CACNA1C: variants seen among roughly 807,000 people sequenced by gnomAD.
The protein encoded by CACNA1C is calcium voltage-gated channel subunit alpha1 C, also known as voltage-dependent L-type calcium channel subunit alpha-1C.
Under a neutral mutation model 229.0 loss-of-function variants are expected in CACNA1C, and 30 were observed. That is an observed-to-expected ratio of 0.13 (90% CI 0.10 to 0.18). The LOEUF is 0.18. CACNA1C is among the 10% of genes least tolerant of loss of function. The pLI is 1.00. For missense variants in CACNA1C, 1,658 were observed against 2,845.0 expected, an observed-to-expected ratio of 0.58 and a Z score of 9.49; for synonymous variants, 1,114 against 1,132.5, an observed-to-expected ratio of 0.98 and a Z score of 0.33.
At chr12:2,124,672 G>A (rs1021153007) in intron 3 of CACNA1C, among the ~76,000 whole-genome samples, 3 of 152,162 alleles carry the variant, frequency 2.0e-5, no homozygotes, top group African/African-American at 7.2e-5. Flanking sequence ...GATAGAGAGG[G>A]GGCAGTGGAT....
At chr12:2,166,234 C>T (rs2096221415) in intron 3 of CACNA1C, among the ~76,000 whole-genome samples, 1 of 152,172 alleles carries the variant, frequency 6.6e-6, no homozygotes, top group South Asian at 2.1e-4. Context: ...CCAGCTTGGC[C>T]CCCTCCTCAC....
rs2153433198 is a variant in CACNA1C at position 2,607,073 on chromosome 12, A to G, written c.3299A>G (p.Asn1100Ser). 1.2e-6 allele frequency: 2 copies of G among 1,613,916 alleles called. No homozygotes were observed. The highest frequency in any genetic ancestry group is 1.1e-5 in the South Asian group (1 of 91,048). ...SWENSKFDFD[N>S]VLAAMMALFT... ...GAGAACAGCAAGTTTGACTTTGACA[A>G]TGTTCTGGCAGCCATGATGGCCCTC... The change falls in exon 26 of 47, where the codon AAT becomes AGT. Residue 1100 changes from asparagine to serine, a missense_variant. Asn to Ser is a conservative substitution (Grantham distance 46). Coordinates refer to ENST00000399655, the MANE Select transcript of CACNA1C (RefSeq NM_000719.7).
At chr12:2,169,919 C>G (rs1026932527) in intron 3 of CACNA1C, among the ~76,000 whole-genome samples, 1 of 152,186 alleles carries the variant, frequency 6.6e-6, no homozygotes, top group Admixed American at 6.5e-5. Context: ...GGTGCTCCAT[C>G]TGGGGACTGT....
Position 2,346,243 on chromosome 12 carries a change from GTC to G in CACNA1C, c.478-102729_478-102728del, listed in dbSNP as rs947272131. On this transcript the variant is annotated intron_variant, in intron 3 of 46. Coordinates refer to ENST00000399655, the MANE Select transcript of CACNA1C (RefSeq NM_000719.7). The surrounding 1 kb of genome is among the most constrained non-coding windows in gnomAD (Gnocchi z 4.4). ...GTCATCTCTGTGTGTGTCTGTGTGT[GTC>G]TCTGTCTGTGCATCTCTCGTATGTG... 5.3e-5 allele frequency among the ~76,000 whole-genome samples: 8 copies of G among 152,062 alleles called. No individual in the cohort carries two copies. Among genetic ancestry groups the G allele is most frequent in the African/African-American group, 1.9e-4 (8 of 41,422 alleles).
chr12:2,262,022 G>C (rs924254457), intron 3 of CACNA1C, among the ~76,000 whole-genome samples: 1 of 152,260 alleles, frequency 6.6e-6, no homozygotes, highest in African/African-American at 2.4e-5. Context: ...GCCAGGGCCA[G>C]GACCTGAACC....
At chr12:2,281,969 C>A (rs542585883) in intron 3 of CACNA1C, among the ~76,000 whole-genome samples, 96 of 151,750 alleles carry the variant, frequency 6.3e-4, no homozygotes, top group Middle Eastern at 3.4e-3. Flanking sequence ...TTATTTAATT[C>A]TTTTTTTTCT....
At chr12:2,271,043 C>T (rs775945909) in intron 3 of CACNA1C, among the ~76,000 whole-genome samples, 17 of 152,262 alleles carry the variant, frequency 1.1e-4, no homozygotes, top group African/African-American at 3.6e-4. Flanking sequence ...ACTTTTCTTT[C>T]GCATCCAGCT....
At chr12:2,171,362 G>T (rs2096470273) in intron 3 of CACNA1C, among the ~76,000 whole-genome samples, 1 of 152,100 alleles carries the variant, frequency 6.6e-6, no homozygotes, top group South Asian at 2.1e-4. Flanking sequence ...GGAGTGGGGT[G>T]GATCACACGC....
chr12:2,637,247 A>G (rs554398103), intron 30 of CACNA1C, among the ~76,000 whole-genome samples: 1 of 152,352 alleles, frequency 6.6e-6, no homozygotes, highest in African/African-American at 2.4e-5. Flanking sequence ...TGAAGCTCAA[A>G]TAAGAGCATC....
chr12:2,669,029 A>C lies in CACNA1C; in HGVS notation c.4720A>C (p.Thr1574Pro). The change falls in exon 38 of 47, where the codon ACA becomes CCA. Residue 1574 changes from threonine to proline, a missense_variant. Transcript: ENST00000399655. ...ALVRTALRIK[T>P]EGNLEQANEE... is the part of the protein sequence containing the mutation. Reference sequence around the variant, plus strand: ...GGTCAGGACGGCCCTGAGGATCAAAACAGAAGGTAAGGTCGCCCGTGGGCA... The same window carrying C: ...GGTCAGGACGGCCCTGAGGATCAAACCAGAAGGTAAGGTCGCCCGTGGGCA... 6.2e-7 allele frequency: 1 copy of C among 1,611,168 alleles called. No individual in the cohort carries two copies. The highest frequency in any genetic ancestry group is 8.5e-7 in the Non-Finnish European group (1 of 1,177,322).
intron 3 of CACNA1C, among the ~76,000 whole-genome samples, chr12:2,226,121 ACG>A (rs757290582): frequency 5.5e-5 from 5 of 91,664 alleles, no homozygotes; most frequent in Non-Finnish European, 1.0e-4. Flanking sequence ...GGATATGGGG[ACG>A]CGCACACACA....
intron 3 of CACNA1C, among the ~76,000 whole-genome samples, chr12:2,433,001 C>G (rs2099100826): frequency 6.6e-6 from 1 of 152,218 alleles, no homozygotes; most frequent in Non-Finnish European, 1.5e-5. Flanking sequence ...TAGGCAGCGA[C>G]AGTCCCCTTC....
At chr12:2,353,135 T>C (rs2097255432) in intron 3 of CACNA1C, among the ~76,000 whole-genome samples, 1 of 152,170 alleles carries the variant, frequency 6.6e-6, no homozygotes, top group Non-Finnish European at 1.5e-5. Context: ...GGAGGGAGTT[T>C]AGAGGAAGGC....
chr12:2,567,866 C>G (rs2052020774), intron 13 of CACNA1C, 72 bp downstream of exon 13: 1 of 903,460 alleles, frequency 1.1e-6, no homozygotes, highest in Non-Finnish European at 1.7e-6. Context: ...AGGGAGGTGG[C>G]AAGGCCTGGG....
intron 3 of CACNA1C, among the ~76,000 whole-genome samples, chr12:2,178,768 AAGG>A: frequency 6.6e-6 from 1 of 152,222 alleles, no homozygotes; most frequent in South Asian, 2.1e-4. Flanking sequence ...CTGAGAAGAA[AAGG>A]AGAAGATAGG....
chr12:2,684,908 C>T (rs145850395), intron 43 of CACNA1C, among the ~76,000 whole-genome samples: 2 of 152,248 alleles, frequency 1.3e-5, no homozygotes, highest in Non-Finnish European at 2.9e-5. Context: ...ATGGAGTCAC[C>T]CTCAGAGGTG....
rs2053134642 is a variant in CACNA1C, at chr12:2,053,703, C to G, written c.49+92C>G. ...CGCTCCCCGCGGCCCCGGGGCCGGT[C>G]CCTGCGGAGTGGCCCGGGGCCGCGT... On this transcript the variant is annotated intron_variant, in intron 1 of 46. Transcript: ENST00000399655. This position sits in a 1 kb window ranked among gnomAD's most constrained non-coding sequence, Gnocchi z 5.8. The G allele has an allele frequency of 3.7e-6, 5 of 1,354,826 alleles. No homozygotes were observed. In the South Asian group the frequency reaches 5.2e-5, roughly 14 times the overall value. 83.9% of individuals were successfully genotyped at this position (1,354,826 alleles called of 1,614,324 possible).
chr12:2,627,980 G>A (rs1174931487), intron 29 of CACNA1C, among the ~76,000 whole-genome samples: 1 of 152,210 alleles, frequency 6.6e-6, no homozygotes, highest in African/African-American at 2.4e-5. Context: ...AAGGAAGGCA[G>A]GCAGGAAGGA....
intron 3 of CACNA1C, among the ~76,000 whole-genome samples, chr12:2,423,207 G>A (rs2098995667): frequency 6.6e-6 from 1 of 152,116 alleles, no homozygotes; most frequent in Non-Finnish European, 1.5e-5. Context: ...TGGGACGGAT[G>A]TCAGCTAGTA....
Sources: gnomAD v4.1 joint callset for allele counts (sites outside exome capture counted in the v4.1 genomes callset) on GRCh38, gnomAD v4.1.1 for gene constraint, Gnocchi (gnomAD v3.1) non-coding constraint, MANE v1.5 for transcripts, NCBI Gene and HGNC (gene_info 2026-07-23, HGNC 2026-07-21) for gene names.